The following R3HDM2 variants were observed in gnomAD, a reference collection of about 807,000 sequenced individuals.
The protein encoded by R3HDM2 is R3H domain containing 2.
A neutral mutation model predicts 124.5 loss-of-function variants in R3HDM2; 38 were observed. That is an observed-to-expected ratio of 0.31 (90% CI 0.24 to 0.40). The LOEUF (loss-of-function observed/expected upper bound fraction) is 0.40. Among genes scored for constraint, R3HDM2 ranks in the 10% least tolerant of loss-of-function variants. The probability of loss-of-function intolerance (pLI) is 1.00; values close to 1 mark genes in which losing one functional copy is unlikely to be tolerated. For missense variants in R3HDM2, 869 were observed against 1,236.9 expected, an observed-to-expected ratio of 0.70 and a Z score of 4.46; for synonymous variants, 391 against 448.0, an observed-to-expected ratio of 0.87 and a Z score of 1.61.
chr12:57,304,586 A>C, intron 3 of R3HDM2: 2 of 853,348 alleles, frequency 2.3e-6, no homozygotes, highest in Non-Finnish European at 1.4e-6. Flanking sequence ...GGAAAGAATA[A>C]GAAATGATGG....
intron 3 of R3HDM2, among the ~76,000 whole-genome samples, chr12:57,303,984 T>C (rs1369527815): frequency 1.3e-5 from 2 of 152,018 alleles, no homozygotes; most frequent in Non-Finnish European, 2.9e-5. Flanking sequence ...GAAGCCTATT[T>C]AATCAATAAT....
At chr12:57,406,805 G>A (rs2139170653) in intron 1 of R3HDM2, among the ~76,000 whole-genome samples, 1 of 152,236 alleles carries the variant, frequency 6.6e-6, no homozygotes, top group South Asian at 2.1e-4. Context: ...CTACCAATTT[G>A]AAGAAAATAT....
At chr12:57,346,044 C>T (rs2060051852) in intron 2 of R3HDM2, among the ~76,000 whole-genome samples, 3 of 151,892 alleles carry the variant, frequency 2.0e-5, no homozygotes, top group South Asian at 2.1e-4. Flanking sequence ...CCTGTAATCC[C>T]AGCTACTCAG....
At chr12:57,404,018 T>C (rs1198851866) in intron 1 of R3HDM2, among the ~76,000 whole-genome samples, 1 of 148,768 alleles carries the variant, frequency 6.7e-6, no homozygotes, top group Non-Finnish European at 1.5e-5. Context: ...GCAGCACATA[T>C]ACTAAAAAAA....
chr12:57,345,500 T>TACACACACAC (rs55903347), intron 2 of R3HDM2, among the ~76,000 whole-genome samples: 8 of 147,636 alleles, frequency 5.4e-5, no homozygotes, highest in African/African-American at 1.5e-4. Flanking sequence ...ATTTCTTTTA[T>TACACACACAC]ACACACACAC....
intron 1 of R3HDM2, among the ~76,000 whole-genome samples, chr12:57,420,267 C>A (rs1236671797): frequency 2.0e-5 from 3 of 151,998 alleles, no homozygotes; most frequent in Non-Finnish European, 2.9e-5. Context: ...AATTACTGTC[C>A]TCTCTCTCCA....
intron 14 of R3HDM2, among the ~76,000 whole-genome samples, chr12:57,271,677 A>T (rs1033629259): frequency 6.6e-6 from 1 of 152,232 alleles, no homozygotes; most frequent in East Asian, 1.9e-4. Flanking sequence ...GAAAAAGTAG[A>T]TGTTAAGACA....
chr12:57,255,937 A>G, intron 23 of R3HDM2, 53 bp downstream of exon 23: 2 of 1,509,358 alleles, frequency 1.3e-6, no homozygotes, highest in Admixed American at 3.7e-5. Context: ...CTGGTAATTA[A>G]GCGCTGGAAG....
intron 1 of R3HDM2, among the ~76,000 whole-genome samples, chr12:57,402,265 A>T (rs1196673817): frequency 6.6e-6 from 1 of 152,002 alleles, no homozygotes; most frequent in Non-Finnish European, 1.5e-5. Context: ...ACTGCACTCC[A>T]GCCTGGGCAA....
At chr12:57,273,551 T>C (rs1259321165) in intron 14 of R3HDM2, among the ~76,000 whole-genome samples, 1 of 152,122 alleles carries the variant, frequency 6.6e-6, no homozygotes. Flanking sequence ...AAGAATCCTA[T>C]AGGGAGATAT....
At chr12:57,317,826 A>T (rs745573704) in intron 2 of R3HDM2, among the ~76,000 whole-genome samples, 7 of 150,774 alleles carry the variant, frequency 4.6e-5, no homozygotes, top group Non-Finnish European at 8.9e-5. Context: ...AATACAAAAA[A>T]ATTACTAGCC....
At chr12:57,369,045 G>A (rs900543557) in intron 2 of R3HDM2, among the ~76,000 whole-genome samples, 1 of 152,140 alleles carries the variant, frequency 6.6e-6, no homozygotes. Flanking sequence ...AGAAGGATTA[G>A]GCAAATAAGT....
chr12:57,397,637 A>G (rs1189342341), intron 1 of R3HDM2, among the ~76,000 whole-genome samples: 1 of 152,162 alleles, frequency 6.6e-6, no homozygotes, highest in Non-Finnish European at 1.5e-5. Context: ...TGCTGGTCCT[A>G]AAACACTCCT....
At chr12:57,369,598 A>T (rs548153826) in intron 2 of R3HDM2, among the ~76,000 whole-genome samples, 27 of 152,250 alleles carry the variant, frequency 1.8e-4, no homozygotes, top group African/African-American at 6.0e-4. Context: ...TAAGACTATA[A>T]ATACTTAGAA....
intron 1 of R3HDM2, among the ~76,000 whole-genome samples, chr12:57,409,270 C>A (rs2068795769): frequency 6.6e-6 from 1 of 152,082 alleles, no homozygotes; most frequent in Admixed American, 6.6e-5. Context: ...TAAGTTTTTA[C>A]TCTAGTAAAA....
chr12:57,272,456 G>A (rs1289434578), intron 14 of R3HDM2: 11 of 1,548,924 alleles, frequency 7.1e-6, no homozygotes, highest in Non-Finnish European at 9.6e-6. Flanking sequence ...TTTATACCAT[G>A]TTGTACTGCT....
chr12:57,428,203 G>C (rs1868394102), intron 1 of R3HDM2, among the ~76,000 whole-genome samples: 3 of 152,046 alleles, frequency 2.0e-5, no homozygotes, highest in Admixed American at 6.6e-5. Flanking sequence ...AGCTTTGTAA[G>C]AGAAAAGTAA....
At chr12:57,355,297 A>C (rs969708453) in intron 2 of R3HDM2, among the ~76,000 whole-genome samples, 2 of 151,224 alleles carry the variant, frequency 1.3e-5, no homozygotes, top group African/African-American at 2.4e-5. Flanking sequence ...CTCTACTAAA[A>C]ATACAAAAAA....
chr12:57,360,968 C>T (rs2061873824), intron 2 of R3HDM2, among the ~76,000 whole-genome samples: 1 of 135,320 alleles, frequency 7.4e-6, no homozygotes, highest in African/African-American at 2.7e-5. Context: ...AGGAGAATGG[C>T]TTGAACCCAG....
Sources: gnomAD v4.1 joint callset for allele counts (sites outside exome capture counted in the v4.1 genomes callset) on GRCh38, gnomAD v4.1.1 for gene constraint, MANE v1.5 for transcripts, NCBI Gene and HGNC (gene_info 2026-07-23, HGNC 2026-07-21) for gene names.